The following MYO1H variants were observed in gnomAD, a reference collection of about 807,000 sequenced individuals.
MYO1H encodes myosin IH, also known as unconventional myosin-Ih.
In MYO1H, 118 loss-of-function variants were observed where a neutral mutation model predicts 149.3. The observed-to-expected ratio is 0.79, with a 90% confidence interval of 0.68 to 0.92. MYO1H has a LOEUF of 0.92. Ranked by LOEUF, MYO1H falls within the 40% of genes least tolerant of loss-of-function variation. The probability of loss-of-function intolerance (pLI) is 0.00; values close to 1 mark genes in which losing one functional copy is unlikely to be tolerated. For missense variants in MYO1H, 1,212 were observed against 1,280.7 expected (o/e 0.95, Z 0.82); for synonymous variants, 447 against 465.2 (o/e 0.96, Z 0.50).
chr12:109,324,240 C>A, the MYO1H span, among the ~76,000 whole-genome samples: 4 of 152,200 alleles, frequency 2.6e-5, no homozygotes, highest in Non-Finnish European at 5.9e-5. Flanking sequence ...GGCTTTCTTA[C>A]AGCTTGGCGG....
In MYO1H at chr12:109,420,914, G is replaced by C; in HGVS notation, c.1598-67G>C. 3 of 844,550 alleles carry C rather than the reference G, an allele frequency of 3.6e-6. No individual in the cohort carries two copies. In the African/African-American group the frequency reaches 5.0e-5, roughly 14 times the overall value. 52.3% of individuals were successfully genotyped at this position (844,550 alleles called of 1,614,324 possible). A position where few individuals can be genotyped will look rare whatever the true frequency, so the allele number is the denominator to read the frequency against. Reference sequence around the variant, plus strand: ...TTTTCAGAATTTCCCTTTGCAATGAGTTGGGATGGAATTGTATTTTTAGGC... The same window carrying C: ...TTTTCAGAATTTCCCTTTGCAATGACTTGGGATGGAATTGTATTTTTAGGC... On this transcript the variant is annotated intron_variant, in intron 15 of 31. Coordinates refer to ENST00000310903, the Ensembl canonical transcript of MYO1H.
intron 1 of MYO1H, among the ~76,000 whole-genome samples, chr12:109,372,966 G>A (rs934693845): frequency 1.3e-5 from 2 of 151,934 alleles, no homozygotes; most frequent in African/African-American, 2.4e-5. Flanking sequence ...ATAGAAATCT[G>A]GCACATTTGG....
chr12:109,426,281 G>A (rs925598922), intron 18 of MYO1H, among the ~76,000 whole-genome samples: 1 of 152,158 alleles, frequency 6.6e-6, no homozygotes. Context: ...CCCAGGAATT[G>A]GAAACCAGTT....
At chr12:109,445,559 G>C (rs376994010) in exon 31 of MYO1H, 2 of 1,612,404 alleles carry the variant, frequency 1.2e-6, no homozygotes, top group Non-Finnish European at 1.7e-6. Flanking sequence ...AATAGTTTTC[G>C]ACACTGGACT....
At chr12:109,369,278 T>C (rs913168031) in intron 1 of MYO1H, among the ~76,000 whole-genome samples, 2 of 152,178 alleles carry the variant, frequency 1.3e-5, no homozygotes, top group Admixed American at 6.6e-5. Context: ...TGCACAGTAT[T>C]CCATGGTGTA....
chr12:109,378,509 A>G (rs1869133691), intron 1 of MYO1H, among the ~76,000 whole-genome samples: 1 of 151,472 alleles, frequency 6.6e-6, no homozygotes, highest in African/African-American at 2.4e-5. Flanking sequence ...ATTTTTGTAG[A>G]GATGTGGTCT....
At chr12:109,444,341 TAAGTTGACCACCGTG>T in intron 29 of MYO1H, 58 bp downstream of exon 29, 1 of 1,578,046 alleles carries the variant, frequency 6.3e-7, no homozygotes, top group Non-Finnish European at 8.7e-7. Context: ...GCCAAAATGT[TAAGTTGACCACCGTG>T]AAACTTCTCT....
the MYO1H span, among the ~76,000 whole-genome samples, chr12:109,330,439 A>G: frequency 6.6e-6 from 1 of 152,314 alleles, no homozygotes; most frequent in East Asian, 1.9e-4. Context: ...CCTGATGGAC[A>G]CATGTCTCGC....
chr12:109,446,448 A>G, intron 31 of MYO1H: 3 of 985,446 alleles, frequency 3.0e-6, no homozygotes, highest in Non-Finnish European at 3.6e-6. Flanking sequence ...ACACATTTAA[A>G]TTTAAGTGGA....
At chr12:109,425,991 C>G (rs1380578857) in exon 18 of MYO1H, 1 of 1,613,916 alleles carries the variant, frequency 6.2e-7, no homozygotes, top group Admixed American at 1.7e-5. Flanking sequence ...TCTAGAAACC[C>G]TCATCTCTAA....
At chr12:109,324,648 G>T in the MYO1H span, among the ~76,000 whole-genome samples, 3 of 151,548 alleles carry the variant, frequency 2.0e-5, no homozygotes, top group African/African-American at 7.3e-5. Context: ...TTCTACATTT[G>T]TTACCTTATC....
At chr12:109,329,149 T>C in the MYO1H span, among the ~76,000 whole-genome samples, 1 of 151,910 alleles carries the variant, frequency 6.6e-6, no homozygotes, top group African/African-American at 2.4e-5. Context: ...CTGTTCCACG[T>C]GTTTATTGTA....
chr12:109,440,840 T>C lies in MYO1H; in HGVS notation c.2538+13T>C. 6.5e-7 allele frequency: 1 copy of C among 1,543,282 alleles called. No individual in the cohort carries two copies. Among genetic ancestry groups the C allele is most frequent in the Non-Finnish European group, 8.8e-7 (1 of 1,138,496 alleles). On this transcript the variant is annotated intron_variant, in intron 25 of 31. Coordinates refer to ENST00000310903, the Ensembl canonical transcript of MYO1H. ...GCGGAAAGCAATGGTAGGGACATGATGTCTGCGGTGGCCGGTGGTGGGGGT... is the reference window on the plus strand; with the variant it reads ...GCGGAAAGCAATGGTAGGGACATGACGTCTGCGGTGGCCGGTGGTGGGGGT...
At chr12:109,379,729 C>CTTTTTT (rs35773327) in intron 1 of MYO1H, among the ~76,000 whole-genome samples, 6 of 103,478 alleles carry the variant, frequency 5.8e-5, no homozygotes, top group South Asian at 3.4e-4. Flanking sequence ...CAATTTTAAC[C>CTTTTTT]TTTTTTTTTT....
chr12:109,443,152 ATGTG>A lies in MYO1H; in HGVS notation c.2689-356_2689-353del, dbSNP rs146572057. Among the ~76,000 whole-genome samples the A allele has an allele frequency of 1.8e-5, 2 of 112,860 alleles. 1 individual carries two copies. The highest frequency in any genetic ancestry group is 3.6e-5 in the Non-Finnish European group (2 of 55,624). The allele number at this position is 112,860 out of a possible 152,430, so 74.0% of individuals were successfully genotyped here. On this transcript the variant is annotated intron_variant, in intron 27 of 31. Transcript: ENST00000310903. ...TATATATGTGTGTATATGTGTACGT[ATGTG>A]TGTGTATATGTGTACGTATGTGTGT... is the stretch of plus-strand genomic sequence containing the variant.
intron 14 of MYO1H, among the ~76,000 whole-genome samples, chr12:109,413,765 C>T (rs1406047626): frequency 6.6e-6 from 1 of 152,018 alleles, no homozygotes; most frequent in Non-Finnish European, 1.5e-5. Flanking sequence ...CAAAAATTAG[C>T]CAGGCATGGT....
chr12:109,433,000 A>T lies in MYO1H; in HGVS notation c.2053A>T (p.Lys685Ter). 1 of 1,613,904 alleles carries T rather than the reference A, an allele frequency of 6.2e-7. No individual in the cohort carries two copies. The highest frequency in any genetic ancestry group is 8.5e-7 in the Non-Finnish European group (1 of 1,179,758). ...CATCGGCTACAAACCCGAGGAATACAAGTTAGGCAAGTAAGTGACCAGAAG... is the reference window on the plus strand; with the variant it reads ...CATCGGCTACAAACCCGAGGAATACTAGTTAGGCAAGTAAGTGACCAGAAG... The change falls in exon 20 of 32, where the codon AAG becomes TAG. Residue 685 changes from lysine (K) to a stop codon, truncating the protein, a stop_gained. Coordinates refer to ENST00000310903, the Ensembl canonical transcript of MYO1H. LOFTEE classifies it high-confidence loss of function.
At chr12:109,398,580 TA>T (rs35624373) in intron 5 of MYO1H, among the ~76,000 whole-genome samples, 81 of 143,748 alleles carry the variant, frequency 5.6e-4, no homozygotes, top group Admixed American at 6.3e-4. Context: ...ACCCCATCTC[TA>T]AAAAAAAAAA....
At chr12:109,444,436 A>G (rs1380302750) in exon 30 of MYO1H, 2 of 1,613,332 alleles carry the variant, frequency 1.2e-6, no homozygotes, top group African/African-American at 2.7e-5. Flanking sequence ...CCCCAGGGGG[A>G]TGCCGTTTTG....
Sources: gnomAD v4.1 joint callset for allele counts (sites outside exome capture counted in the v4.1 genomes callset) on GRCh38, gnomAD v4.1.1 for gene constraint, MANE v1.5 for transcripts, NCBI Gene and HGNC (gene_info 2026-07-23, HGNC 2026-07-21) for gene names.